Variants in CLEC17A observed in about 807,000 individuals in gnomAD.
CLEC17A encodes C-type lectin domain family 17, member A.
CLEC17A carries 37 observed loss-of-function variants against 61.3 expected under a neutral mutation model. That is an observed-to-expected ratio of 0.60 (90% CI 0.46 to 0.79). CLEC17A has a LOEUF of 0.79. CLEC17A is among the 30% of genes least tolerant of loss of function. The pLI, the probability that CLEC17A is intolerant of heterozygous loss-of-function variation, is 0.00. For synonymous variants in CLEC17A, 168 were observed against 164.9 expected, an observed-to-expected ratio of 1.02 and a Z score of -0.14; for missense variants, 418 against 464.7, an observed-to-expected ratio of 0.90 and a Z score of 0.92.
upstream of CLEC17A, among the ~76,000 whole-genome samples, chr19:14,582,911 T>A (rs2074199365): frequency 6.6e-6 from 1 of 152,116 alleles, no homozygotes; most frequent in African/African-American, 2.4e-5. Context: ...CCAGGCCAGT[T>A]GTCATTATTC....
rs541900195 is a variant in CLEC17A, at chr19:14,592,833, T to G, written c.277+475T>G. On this transcript the variant is annotated intron_variant, in intron 4 of 13. Coordinates refer to ENST00000417570, the MANE Select transcript of CLEC17A (RefSeq NM_001204118.2). ...GCGCCTGCTACCATGCCTGGTTAAC[T>G]TTTGTATTTTTAGTAGAGACCAGGG... is the stretch of plus-strand genomic sequence containing the variant. Among the ~76,000 whole-genome samples, 7 of 152,170 alleles carry G rather than the reference T, an allele frequency of 4.6e-5. 1 individual carries two copies. The highest frequency in any genetic ancestry group is 2.0e-4 in the Admixed American group (3 of 15,256).
chr19:14,587,086 A>G (rs945570168), intron 2 of CLEC17A, among the ~76,000 whole-genome samples: 1 of 150,250 alleles, frequency 6.7e-6, no homozygotes, highest in Non-Finnish European at 1.5e-5. Context: ...ACGGGGTTTC[A>G]CCACGTTGGT....
At chr19:14,591,162 T>C (rs1020401849) in intron 3 of CLEC17A, among the ~76,000 whole-genome samples, 1 of 150,984 alleles carries the variant, frequency 6.6e-6, no homozygotes, top group African/African-American at 2.4e-5. Context: ...TTTTCTTCTT[T>C]TTTTTTTTTT....
chr19:14,610,163 G>A lies in CLEC17A; in HGVS notation c.1104G>A (p.Thr368=), dbSNP rs765558704. Reference sequence around the variant, plus strand: ...ATGATCTCTCTTGCTACAAAACTACGTATTGGATTTGTGAGCGGAAATGTT... The same window carrying A: ...ATGATCTCTCTTGCTACAAAACTACATATTGGATTTGTGAGCGGAAATGTT... ...TWNDLSCYKT[T]YWICERKCSC Residue 368 remains threonine (T), a synonymous_variant, in exon 14 of 14, where the codon ACG becomes ACA. Transcript: ENST00000417570. 9.4e-6 allele frequency: 15 copies of A among 1,588,384 alleles called. No individual in the cohort carries two copies. Among genetic ancestry groups the A allele is most frequent in the Middle Eastern group, 1.7e-4 (1 of 6,052 alleles).
chr19:14,589,673 T>C (rs1254104965), intron 3 of CLEC17A, among the ~76,000 whole-genome samples: 2 of 147,740 alleles, frequency 1.4e-5, no homozygotes, highest in Non-Finnish European at 1.5e-5. Flanking sequence ...GAGATGACTG[T>C]GGTAGTCAGC....
intron 3 of CLEC17A, among the ~76,000 whole-genome samples, chr19:14,589,718 C>T (rs970205610): frequency 1.4e-4 from 22 of 151,748 alleles, no homozygotes; most frequent in Non-Finnish European, 8.8e-5. Context: ...TTTACGTTCT[C>T]ATATTCGTGC....
chr19:14,585,261 C>T (rs114052583), intron 2 of CLEC17A, among the ~76,000 whole-genome samples: 6,103 of 104,710 alleles, frequency 0.058, 6 homozygotes, highest in African/African-American at 0.23. Context: ...CCTTGAGCTC[C>T]TGGGTCCAAG....
chr19:14,606,115 T>C (rs1285106154), intron 12 of CLEC17A, among the ~76,000 whole-genome samples: 3 of 152,216 alleles, frequency 2.0e-5, no homozygotes. Flanking sequence ...TGAATTCTTA[T>C]GTTGTTTGGA....
rs2075017250 is a variant in CLEC17A, at chr19:14,610,306, C to T, written c.*110C>T. On this transcript the variant is annotated 3_prime_UTR_variant, in exon 14 of 14. Coordinates refer to ENST00000417570, the MANE Select transcript of CLEC17A (RefSeq NM_001204118.2). ...TTCGTGAGTGGACACACAGATGTGC[C>T]TCAAACAGGATTGGCACCCTGGATG... 6.9e-7 allele frequency: 1 copy of T among 1,447,272 alleles called. No individual in the cohort carries two copies. Among genetic ancestry groups the T allele is most frequent in the South Asian group, 1.3e-5 (1 of 74,556 alleles). The allele number at this position is 1,447,272 out of a possible 1,614,324, so 89.7% of individuals were successfully genotyped here. A position where few individuals can be genotyped will look rare whatever the true frequency, so the allele number is the denominator to read the frequency against.
intron 3 of CLEC17A, among the ~76,000 whole-genome samples, chr19:14,590,684 GC>G (rs1212067938): frequency 6.6e-6 from 1 of 151,950 alleles, no homozygotes; most frequent in Non-Finnish European, 1.5e-5. Context: ...ACCATGCCCA[GC>G]CTCTTTTCTT....
chr19:14,607,446 G>T (rs556658656), intron 13 of CLEC17A, among the ~76,000 whole-genome samples: 1 of 151,760 alleles, frequency 6.6e-6, no homozygotes, highest in Non-Finnish European at 1.5e-5. Flanking sequence ...CTCGTGATCT[G>T]CCCGCCTTGG....
chr19:14,609,834 T>C (rs1359315356), intron 13 of CLEC17A, among the ~76,000 whole-genome samples: 1 of 141,906 alleles, frequency 7.0e-6, no homozygotes, highest in Non-Finnish European at 1.5e-5. Context: ...TGAGACTCTG[T>C]CTCCAAAACA....
intron 12 of CLEC17A, 130 bp downstream of exon 12, chr19:14,600,312 G>C (rs767413986): frequency 9.1e-7 from 1 of 1,102,656 alleles, no homozygotes. Flanking sequence ...AACTTTAACA[G>C]CAAGCTCTTC....
At chr19:14,600,535 C>T (rs1033419137) in intron 12 of CLEC17A, among the ~76,000 whole-genome samples, 9 of 152,100 alleles carry the variant, frequency 5.9e-5, no homozygotes, top group Non-Finnish European at 1.2e-4. Flanking sequence ...GCAATCCTCA[C>T]GACAACCTAT....
upstream of CLEC17A, among the ~76,000 whole-genome samples, chr19:14,581,786 G>A (rs1412247708): frequency 2.0e-5 from 3 of 151,950 alleles, no homozygotes; most frequent in Admixed American, 1.3e-4. Flanking sequence ...CTGAGTAGCT[G>A]GGATTACAGG....
intron 4 of CLEC17A, among the ~76,000 whole-genome samples, chr19:14,594,283 TATAAAATAAAATAAAAA>T (rs2074491793): frequency 1.3e-5 from 2 of 151,678 alleles, no homozygotes; most frequent in South Asian, 2.1e-4. Context: ...TCTCAAAAAA[TATAAAATAAAATAAAAA>T]ATAAAATAAA....
At chr19:14,605,977 C>T (rs901311300) in intron 12 of CLEC17A, among the ~76,000 whole-genome samples, 2 of 152,024 alleles carry the variant, frequency 1.3e-5, no homozygotes, top group African/African-American at 4.8e-5. Context: ...TAGTCTCAAG[C>T]GATCCTCCCT....
chr19:14,587,473 C>A (rs1210484666), intron 2 of CLEC17A, 141 bp from the exon 3 acceptor site: 31 of 1,337,884 alleles, frequency 2.3e-5, no homozygotes, highest in African/African-American at 2.9e-5. Flanking sequence ...AAGGCCCTGG[C>A]CAGGCTGGGG....
At chr19:14,603,977 A>G (rs115210193) in intron 12 of CLEC17A, among the ~76,000 whole-genome samples, 3,294 of 152,272 alleles carry the variant, frequency 0.022, 115 homozygotes, top group African/African-American at 0.076. Context: ...ACTTTGGGCC[A>G]TCTAGGCTGC....
Sources: allele counts gnomAD v4.1 joint callset (sites outside exome capture counted in the v4.1 genomes callset), GRCh38; gene constraint gnomAD v4.1.1; transcripts MANE v1.5; gene names NCBI Gene and HGNC (gene_info 2026-07-23, HGNC 2026-07-21).